HDAC9: variants seen among roughly 807,000 people sequenced by gnomAD.
The protein encoded by HDAC9 is histone deacetylase 9.
HDAC9 carries 41 observed loss-of-function variants against 139.4 expected under a neutral mutation model. The observed-to-expected ratio is 0.29, with a 90% confidence interval of 0.23 to 0.38. The LOEUF (loss-of-function observed/expected upper bound fraction) is 0.38. HDAC9 is among the 10% of genes least tolerant of loss of function. The pLI, the probability that HDAC9 is intolerant of heterozygous loss-of-function variation, is 1.00. For missense variants in HDAC9, 1,147 were observed against 1,297.0 expected (o/e 0.88, Z 1.78); for synonymous variants, 517 against 476.2 (o/e 1.09, Z -1.12).
At position 18,856,946 on chromosome 7, in the gene HDAC9, T is replaced by C. The variant is rs891118902; in HGVS notation, c.2685-17532T>C. ...ACTGTTGTGAAACCATAAAGTGCCT[T>C]GAAGGAAATCACAGTGCAGTTATTC... On this transcript the variant is annotated intron_variant, in intron 21 of 25. Coordinates refer to ENST00000686413, the MANE Select transcript of HDAC9 (RefSeq NM_178425.4). 3.3e-5 allele frequency among the ~76,000 whole-genome samples: 5 copies of C among 152,280 alleles called. No individual in the cohort carries two copies. In the South Asian group the frequency reaches 1.0e-3, roughly 32 times the overall value.
At chr7:18,584,932 AT>A (rs59009987) in intron 2 of HDAC9, among the ~76,000 whole-genome samples, 136,153 of 150,494 alleles carry the variant, frequency 0.9, 61,801 homozygotes, top group East Asian at 1. Flanking sequence ...ACATAATTCC[AT>A]TTTTTTTTTT....
chr7:18,321,533 G>A (rs748485776), intron 1 of HDAC9, among the ~76,000 whole-genome samples: 6 of 151,706 alleles, frequency 4.0e-5, no homozygotes, highest in Non-Finnish European at 7.4e-5. Flanking sequence ...AAAAATGTTT[G>A]TGTTATTGTG....
In HDAC9 at chr7:18,935,906, A is replaced by G; in HGVS notation, c.2901A>G (p.Ala967=). ...GGHDLTAICD[A]SEACVNALLG... is the part of the protein sequence containing the mutation. ...ATGATCTCACAGCCATCTGTGATGC[A>G]TCAGAAGCCTGTGTAAATGCCCTTC... The change falls in exon 23 of 26, where the codon GCA becomes GCG. Residue 967 remains alanine, a synonymous_variant. Coordinates refer to ENST00000686413, the MANE Select transcript of HDAC9 (RefSeq NM_178425.4). 2 of 1,613,800 alleles carry G rather than the reference A, an allele frequency of 1.2e-6. No homozygotes were observed. Among genetic ancestry groups the G allele is most frequent in the Non-Finnish European group, 1.7e-6 (2 of 1,179,700 alleles).
intron 1 of HDAC9, among the ~76,000 whole-genome samples, chr7:18,369,487 C>G (rs536109529): frequency 1.3e-5 from 2 of 151,362 alleles, no homozygotes; most frequent in African/African-American, 4.9e-5. Context: ...TTTCTTTCTC[C>G]TCCCTTTTTT....
intron 1 of HDAC9, among the ~76,000 whole-genome samples, chr7:18,475,143 T>C (rs1219653710): frequency 1.3e-5 from 2 of 152,166 alleles, no homozygotes; most frequent in Non-Finnish European, 2.9e-5. Flanking sequence ...AAGGATCTTG[T>C]GGTGGTCAGT....
chr7:18,744,215 C>T (rs1787732256), intron 13 of HDAC9, among the ~76,000 whole-genome samples: 1 of 152,058 alleles, frequency 6.6e-6, no homozygotes, highest in Non-Finnish European at 1.5e-5. Context: ...TGGTCTTGAA[C>T]TCCTGACCTC....
intron 1 of HDAC9, among the ~76,000 whole-genome samples, chr7:18,332,108 C>T (rs766678384): frequency 2.0e-5 from 3 of 151,572 alleles, no homozygotes; most frequent in Non-Finnish European, 4.4e-5. Context: ...CTTTGGAGTT[C>T]GAATAAAAGT....
intron 22 of HDAC9, among the ~76,000 whole-genome samples, chr7:18,929,490 C>T (rs1804536310): frequency 6.6e-6 from 1 of 151,816 alleles, no homozygotes; most frequent in Non-Finnish European, 1.5e-5. Context: ...AATGTAGAAT[C>T]CTTCTCATGC....
chr7:18,231,188 A>G (rs1408021755), intron 2 of HDAC9, among the ~76,000 whole-genome samples: 3 of 152,180 alleles, frequency 2.0e-5, no homozygotes, highest in Non-Finnish European at 4.4e-5. Flanking sequence ...CCAGAACAGT[A>G]AGGAACCAGT....
At chr7:18,784,123 T>G (rs914379992) in intron 16 of HDAC9, among the ~76,000 whole-genome samples, 1 of 65,448 alleles carries the variant, frequency 1.5e-5, no homozygotes, top group African/African-American at 4.9e-5. Flanking sequence ...CTGGGTATTA[T>G]TATTATTATT....
At chr7:18,265,175 A>G (rs1281736236) in intron 2 of HDAC9, among the ~76,000 whole-genome samples, 1 of 152,310 alleles carries the variant, frequency 6.6e-6, no homozygotes, top group African/African-American at 2.4e-5. Context: ...TAGGTCCTGC[A>G]ATAATTTAGA....
At chr7:18,298,271 C>G (rs756514660) in intron 1 of HDAC9, among the ~76,000 whole-genome samples, 69 of 151,444 alleles carry the variant, frequency 4.6e-4, no homozygotes, top group Non-Finnish European at 1.2e-4. Flanking sequence ...GTAAGACCTA[C>G]ATTTTTATGT....
chr7:18,172,035 G>T, intron 2 of HDAC9, among the ~76,000 whole-genome samples: 1 of 152,156 alleles, frequency 6.6e-6, no homozygotes, highest in East Asian at 1.9e-4. Flanking sequence ...GTTCCTCTTT[G>T]TACTTCTGGT....
chr7:18,116,149 A>G (rs1425231007), intron 1 of HDAC9, among the ~76,000 whole-genome samples: 1 of 152,194 alleles, frequency 6.6e-6, no homozygotes, highest in Non-Finnish European at 1.5e-5. Flanking sequence ...TGTTAATGAA[A>G]ATTTGATATG....
chr7:18,580,571 C>T (rs972087860), intron 2 of HDAC9, among the ~76,000 whole-genome samples: 9 of 152,096 alleles, frequency 5.9e-5, no homozygotes, highest in African/African-American at 9.7e-5. Flanking sequence ...GTCACAAGGT[C>T]TTGAGATCAG....
chr7:18,562,909 C>G (rs1252138442), intron 2 of HDAC9, among the ~76,000 whole-genome samples: 6 of 151,980 alleles, frequency 3.9e-5, no homozygotes, highest in Non-Finnish European at 5.9e-5. Context: ...GTTTAGATCT[C>G]CTTTAATTTC....
chr7:18,881,800 G>A (rs1440584515), intron 22 of HDAC9, among the ~76,000 whole-genome samples: 1 of 152,048 alleles, frequency 6.6e-6, no homozygotes, highest in Non-Finnish European at 1.5e-5. Flanking sequence ...TCTGTAATCA[G>A]GGACTCAATG....
intron 2 of HDAC9, among the ~76,000 whole-genome samples, chr7:18,176,609 A>G (rs1788923929): frequency 6.6e-6 from 1 of 152,180 alleles, no homozygotes; most frequent in Non-Finnish European, 1.5e-5. Flanking sequence ...CTCTTAGAAA[A>G]TGAAAGTATA....
intron 10 of HDAC9, 109 bp from the exon 11 acceptor site, chr7:18,648,357 A>G: frequency 1.1e-6 from 1 of 893,342 alleles, no homozygotes; most frequent in East Asian, 2.5e-5. Context: ...AGTTTATACC[A>G]TGTATCTGTT....
Sources: allele counts gnomAD v4.1 joint callset (sites outside exome capture counted in the v4.1 genomes callset), GRCh38; gene constraint gnomAD v4.1.1; transcripts MANE v1.5; gene names NCBI Gene and HGNC (gene_info 2026-07-23, HGNC 2026-07-21).